Variants in LIMA1 observed in about 807,000 individuals in gnomAD.
LIMA1 encodes LIM domain and actin binding 1, also known as LIM domain and actin-binding protein 1.
A neutral mutation model predicts 62.6 loss-of-function variants in LIMA1; 52 were observed. That is an observed-to-expected ratio of 0.83 (90% CI 0.67 to 1.05). LIMA1 has a LOEUF of 1.05. Among genes scored for constraint, LIMA1 ranks in the 50% least tolerant of loss-of-function variants. The pLI is 0.00. For synonymous variants in LIMA1, 302 were observed against 317.8 expected (o/e 0.95, Z 0.53); for missense variants, 780 against 902.2 (o/e 0.86, Z 1.74).
intron 2 of LIMA1, among the ~76,000 whole-genome samples, chr12:50,247,600 C>A (rs1941868003): frequency 1.4e-5 from 1 of 73,146 alleles, no homozygotes. Context: ...AAAATAAATG[C>A]TGGAATTATT....
At position 50,277,715 on chromosome 12, in the gene LIMA1, T is replaced by C. The variant is rs1942292097; in HGVS notation, c.-24+5705A>G. Among the ~76,000 whole-genome samples, 3 of 152,200 alleles carry C rather than the reference T, an allele frequency of 2.0e-5. No individual in the cohort carries two copies. In the South Asian group the frequency reaches 6.2e-4, roughly 32 times the overall value. ...GCATTTATAACACCACAATTCCAAC[T>C]TCTGTATACTTTCCACTTTGTCACT... On this transcript the variant is annotated intron_variant, in intron 1 of 10. Coordinates refer to ENST00000341247, the MANE Select transcript of LIMA1 (RefSeq NM_016357.5).
chr12:50,192,413 A>C lies in LIMA1; in HGVS notation c.1140+39T>G. On this transcript the variant is annotated intron_variant, in intron 9 of 10. Coordinates refer to ENST00000341247, the MANE Select transcript of LIMA1 (RefSeq NM_016357.5). ...AAGGTACAATTAGCTCTACCAGTAG[A>C]CCAATGTCCAAAGGCTCAGAGAGAA... 5 of 1,310,648 alleles carry C rather than the reference A, an allele frequency of 3.8e-6. No homozygotes were observed. The South Asian group carries it at 5.9e-5, about 15-fold the overall frequency. 81.2% of individuals were successfully genotyped at this position (1,310,648 alleles called of 1,614,324 possible).
chr12:50,187,622 A>G (rs1940659142), intron 9 of LIMA1: 1 of 152,250 alleles, frequency 6.6e-6, no homozygotes, highest in African/African-American at 2.4e-5. Context: ...CTCTTCTAGC[A>G]TAATTTTGAC....
At chr12:50,193,594 A>C (rs1218623999) in intron 8 of LIMA1, among the ~76,000 whole-genome samples, 1 of 17,668 alleles carries the variant, frequency 5.7e-5, no homozygotes, top group Admixed American at 8.6e-4. Flanking sequence ...TGTATATATG[A>C]TATATATATA....
At chr12:50,194,180 G>A (rs1940875617) in intron 8 of LIMA1, among the ~76,000 whole-genome samples, 1 of 151,134 alleles carries the variant, frequency 6.6e-6, no homozygotes, top group Non-Finnish European at 1.5e-5. Context: ...ATAGAGATGG[G>A]GTTTCACCAT....
intron 10 of LIMA1, 46 bp downstream of exon 10, chr12:50,181,858 C>T (rs1406710237): frequency 6.2e-7 from 1 of 1,609,334 alleles, no homozygotes; most frequent in East Asian, 2.2e-5. Flanking sequence ...AAGACTCCCT[C>T]TAGAGTTCCA....
chr12:50,192,084 C>T (rs1047625084), intron 9 of LIMA1, among the ~76,000 whole-genome samples: 1 of 148,592 alleles, frequency 6.7e-6, no homozygotes, highest in African/African-American at 2.5e-5. Flanking sequence ...TACAGTAAGC[C>T]GAGATCATGC....
chr12:50,247,191 C>G (rs1941861878), intron 2 of LIMA1, among the ~76,000 whole-genome samples: 2 of 151,948 alleles, frequency 1.3e-5, no homozygotes, highest in Admixed American at 1.3e-4. Flanking sequence ...TTCTGACATT[C>G]CTCCTATCAG....
At chr12:50,221,669 C>T (rs899405370) in intron 4 of LIMA1, among the ~76,000 whole-genome samples, 9 of 152,160 alleles carry the variant, frequency 5.9e-5, no homozygotes, top group African/African-American at 2.2e-4. Context: ...AAGCAGAGAG[C>T]TATTCAGCAG....
chr12:50,246,823 T>C, intron 2 of LIMA1, among the ~76,000 whole-genome samples: 1 of 152,190 alleles, frequency 6.6e-6, no homozygotes, highest in East Asian at 1.9e-4. Context: ...CTCATTCCAC[T>C]TCAAGCTCAC....
At chr12:50,181,028 C>T (rs1940488729) in intron 10 of LIMA1, among the ~76,000 whole-genome samples, 1 of 146,276 alleles carries the variant, frequency 6.8e-6, no homozygotes, top group Non-Finnish European at 1.5e-5. Flanking sequence ...AGGAGAATCG[C>T]TTGAACTCAG....
intron 9 of LIMA1, chr12:50,186,468 A>T (rs1317868819): frequency 6.5e-6 from 1 of 152,734 alleles, no homozygotes; most frequent in African/African-American, 2.4e-5. Flanking sequence ...TGACTCCTGC[A>T]TACCAAGGTG....
chr12:50,239,888 G>T (rs1211530508), intron 2 of LIMA1, among the ~76,000 whole-genome samples: 1 of 151,856 alleles, frequency 6.6e-6, no homozygotes, highest in Middle Eastern at 3.2e-3. Flanking sequence ...CAGTTACTCA[G>T]GAAGCTGAGG....
intron 2 of LIMA1, among the ~76,000 whole-genome samples, chr12:50,235,102 T>G (rs1020966120): frequency 1.1e-4 from 16 of 152,066 alleles, no homozygotes; most frequent in African/African-American, 3.4e-4. Flanking sequence ...CCGACTAATT[T>G]AAAAAAATTT....
intron 1 of LIMA1, among the ~76,000 whole-genome samples, chr12:50,250,290 CAA>C (rs11327744): frequency 5.3e-3 from 342 of 64,624 alleles, no homozygotes; most frequent in African/African-American, 0.014. Flanking sequence ...AACTCCGTTT[CAA>C]AAAAAAAAAA....
At chr12:50,211,736 G>A (rs1017645978) in intron 4 of LIMA1, among the ~76,000 whole-genome samples, 43 of 152,042 alleles carry the variant, frequency 2.8e-4, no homozygotes, top group African/African-American at 7.5e-4. Flanking sequence ...GTAATCTGAG[G>A]TACAGGAAGA....
intron 2 of LIMA1, among the ~76,000 whole-genome samples, chr12:50,238,728 T>C (rs1322211044): frequency 1.3e-5 from 2 of 151,684 alleles, no homozygotes; most frequent in Non-Finnish European, 2.9e-5. Context: ...TGGGTACCTG[T>C]AATCCCAGCT....
intron 1 of LIMA1, among the ~76,000 whole-genome samples, chr12:50,277,254 AC>A (rs1315714625): frequency 6.6e-6 from 1 of 151,132 alleles, no homozygotes; most frequent in Non-Finnish European, 1.5e-5. Flanking sequence ...CACAGCAAGA[AC>A]CCCATTCAAT....
chr12:50,260,317 T>C (rs1011449510), intron 1 of LIMA1, among the ~76,000 whole-genome samples: 2 of 152,064 alleles, frequency 1.3e-5, no homozygotes, highest in African/African-American at 4.8e-5. Flanking sequence ...CCGGCTAAGT[T>C]TTTGTATTTT....
Sources: gnomAD v4.1 joint callset for allele counts (sites outside exome capture counted in the v4.1 genomes callset) on GRCh38, gnomAD v4.1.1 for gene constraint, MANE v1.5 for transcripts, NCBI Gene and HGNC (gene_info 2026-07-23, HGNC 2026-07-21) for gene names.